VWA2: variants seen among roughly 807,000 people sequenced by gnomAD.
The protein encoded by VWA2 is von Willebrand factor A domain-containing protein 2.
VWA2 carries 73 observed loss-of-function variants against 70.4 expected under a neutral mutation model. The observed-to-expected ratio is 1.04, with a 90% CI of 0.86 to 1.26. VWA2 has a LOEUF of 1.26. VWA2 is among the 50% of genes most tolerant of loss of function. The pLI, the probability that VWA2 is intolerant of heterozygous loss-of-function variation, is 0.00. For missense variants in VWA2, 1,011 were observed against 998.5 expected (o/e 1.01, Z -0.17); for synonymous variants, 407 against 423.3 (o/e 0.96, Z 0.47).
intron 8 of VWA2, among the ~76,000 whole-genome samples, chr10:114,279,483 T>C (rs965665795): frequency 6.6e-6 from 1 of 152,098 alleles, no homozygotes; most frequent in Non-Finnish European, 1.5e-5. Flanking sequence ...CCATTGGTCC[T>C]CCCCCAGCGA....
chr10:114,269,370 CA>C (rs1465225934), intron 5 of VWA2, among the ~76,000 whole-genome samples: 4 of 152,176 alleles, frequency 2.6e-5, no homozygotes, highest in Non-Finnish European at 5.9e-5. Flanking sequence ...CACCTGAGGT[CA>C]GGAGTTTGAG....
intron 8 of VWA2, among the ~76,000 whole-genome samples, chr10:114,280,353 C>G (rs1166041339): frequency 6.6e-6 from 1 of 152,152 alleles, no homozygotes; most frequent in Non-Finnish European, 1.5e-5. Flanking sequence ...GGCAGTCATT[C>G]CAAAATGAAT....
chr10:114,275,124 T>G (rs1354802909), intron 6 of VWA2, among the ~76,000 whole-genome samples: 2 of 151,820 alleles, frequency 1.3e-5, no homozygotes, highest in Non-Finnish European at 2.9e-5. Flanking sequence ...ACCTAGGTAG[T>G]GGGGACAGGG....
In VWA2 at chr10:114,278,039, C is replaced by T; in HGVS notation, c.692C>T (p.Ala231Val). The part of the protein sequence containing the change: ...TLSSSAICSS[A>V]TPDCRVEAHP... ...AGCAGCTCGGCCATCTGCTCCAGCG[C>T]CACGCCAGGTAAGATCTTCCAGCCT... The change falls in exon 7 of 14, where the codon GCC becomes GTC. Residue 231 changes from alanine to valine, a missense_variant. Coordinates refer to ENST00000392982, the MANE Select transcript of VWA2 (RefSeq NM_001272046.2). 6.2e-7 allele frequency: 1 copy of T among 1,611,198 alleles called. No individual in the cohort carries two copies. Among genetic ancestry groups the T allele is most frequent in the Non-Finnish European group, 8.5e-7 (1 of 1,177,970 alleles).
rs1380020100 is a variant in VWA2 at position 114,293,250 on chromosome 10, A to G, written c.*2013A>G. On this transcript the variant is annotated 3_prime_UTR_variant, in exon 14 of 14. Transcript: ENST00000392982. ...CACAGAAGACAACGTCCGGGGCAGG[A>G]TCACATGCTCCCTAGCAGATGCTGA... Among the ~76,000 whole-genome samples the G allele has an allele frequency of 6.6e-6, 1 of 152,226 alleles. No homozygotes were observed. Among genetic ancestry groups the G allele is most frequent in the African/African-American group, 2.4e-5 (1 of 41,464 alleles).
At chr10:114,288,833 C>A in intron 11 of VWA2, 105 bp from the exon 12 acceptor site, 1 of 1,181,812 alleles carries the variant, frequency 8.5e-7, no homozygotes, top group Non-Finnish European at 1.2e-6. Context: ...GTGAACAGAG[C>A]ACCCTGGCTG....
intron 6 of VWA2, among the ~76,000 whole-genome samples, chr10:114,276,673 ATTTTTTTTTT>A (rs34808735): frequency 3.5e-5 from 4 of 113,690 alleles, no homozygotes; most frequent in African/African-American, 7.2e-5. Context: ...ACACCCAGCA[ATTTTTTTTTT>A]TTTTTTTTTT....
chr10:114,249,482 C>T (rs1412149986), intron 2 of VWA2, among the ~76,000 whole-genome samples: 3 of 152,186 alleles, frequency 2.0e-5, no homozygotes, highest in Non-Finnish European at 4.4e-5. Context: ...TCTTGAACTC[C>T]TGACCTCAGG....
At chr10:114,282,685 G>A in intron 9 of VWA2, 114 bp downstream of exon 9, 3 of 873,432 alleles carry the variant, frequency 3.4e-6, no homozygotes, top group Admixed American at 3.8e-5. Context: ...TGGCTCCAGG[G>A]CAGAGGGATG....
At chr10:114,246,684 C>G in intron 1 of VWA2, 1 of 1,560,606 alleles carries the variant, frequency 6.4e-7, no homozygotes, top group East Asian at 2.2e-5. Flanking sequence ...CATTAAATTC[C>G]CAAAACAAAG....
intron 6 of VWA2, among the ~76,000 whole-genome samples, chr10:114,275,279 C>T (rs970473524): frequency 2.0e-5 from 3 of 152,174 alleles, no homozygotes; most frequent in Non-Finnish European, 2.9e-5. Flanking sequence ...TGTCATCAAT[C>T]ATTGTGATCA....
intron 12 of VWA2, chr10:114,289,878 T>C (rs2039384632): frequency 3.0e-6 from 1 of 330,900 alleles, no homozygotes; most frequent in East Asian, 6.7e-5. Context: ...TGACCTCCTC[T>C]TCACCTTCTT....
At chr10:114,258,422 G>A (rs763460408) in intron 4 of VWA2, among the ~76,000 whole-genome samples, 2 of 152,138 alleles carry the variant, frequency 1.3e-5, no homozygotes, top group African/African-American at 2.4e-5. Context: ...TGTAGTGACT[G>A]GGGCAGAGTG....
intron 4 of VWA2, among the ~76,000 whole-genome samples, chr10:114,259,470 T>A (rs950932461): frequency 6.6e-6 from 1 of 151,868 alleles, no homozygotes; most frequent in African/African-American, 2.4e-5. Flanking sequence ...CCCACAGAAG[T>A]TGTTTTTTTT....
rs1197664131 is a variant in VWA2 at position 114,293,553 on chromosome 10, G to T, written c.*2316G>T. On this transcript the variant is annotated 3_prime_UTR_variant, in exon 14 of 14. Coordinates refer to ENST00000392982, the MANE Select transcript of VWA2 (RefSeq NM_001272046.2). ...GCTTTTGTCAGTCCCCCAGGAAAGT[G>T]CTATCCTATGGCCTAACTAGCCAAG... Among the ~76,000 whole-genome samples, 1 of 152,186 alleles carries T rather than the reference G, an allele frequency of 6.6e-6. No individual in the cohort carries two copies. Among genetic ancestry groups the T allele is most frequent in the Non-Finnish European group, 1.5e-5 (1 of 68,032 alleles).
At chr10:114,273,558 G>T (rs1463197986) in intron 6 of VWA2, among the ~76,000 whole-genome samples, 1 of 152,182 alleles carries the variant, frequency 6.6e-6, no homozygotes, top group East Asian at 1.9e-4. Flanking sequence ...TTTCCTAGAA[G>T]AGAGGAGGGT....
In VWA2 at chr10:114,289,065, C is replaced by T. The variant is rs199884277; in HGVS notation, c.1698C>T (p.Asp566=). The T allele has an allele frequency of 2.9e-5, 47 of 1,614,196 alleles. No homozygotes were observed. The highest frequency in any genetic ancestry group is 4.5e-5 in the East Asian group (2 of 44,864). ...CCCTCCAGTTTGAGGTGAACCCTGA[C>T]GTGACACAGGTCGGCCTGGTGGTGT... ...SCALQFEVNP[D]VTQVGLVVYG... is the part of the protein sequence containing the mutation. The change falls in exon 12 of 14, where the codon GAC becomes GAT. Residue 566 remains aspartate, a synonymous_variant. Coordinates refer to ENST00000392982, the MANE Select transcript of VWA2 (RefSeq NM_001272046.2).
rs187730689 is a variant in VWA2 at position 114,278,945 on chromosome 10, A to G, written c.833+94A>G. ...ATAGTACTTTGGGGCCCTGCCATGG[A>G]GATTGTGACAGGGATCGAAGGAGAC... On this transcript the variant is annotated intron_variant, in intron 8 of 13. Coordinates refer to ENST00000392982, the MANE Select transcript of VWA2 (RefSeq NM_001272046.2). 4,782 of 1,550,022 alleles carry G rather than the reference A, an allele frequency of 3.1e-3. 19 individuals carry two copies. Among genetic ancestry groups the G allele is most frequent in the Non-Finnish European group, 3.2e-3 (3,618 of 1,144,698 alleles).
At position 114,292,813 on chromosome 10, in the gene VWA2, C is replaced by T. The variant is rs755340169; in HGVS notation, c.*1576C>T. On this transcript the variant is annotated 3_prime_UTR_variant, in exon 14 of 14. Transcript: ENST00000392982. ...CTTTGCCTCCCAGGTTGAAGTGATT[C>T]TCATGCCTCAGCCTCTTGAGTAGCT... is the stretch of plus-strand genomic sequence containing the variant. Among the ~76,000 whole-genome samples, 4 of 152,014 alleles carry T rather than the reference C, an allele frequency of 2.6e-5. No homozygotes were observed. The highest frequency in any genetic ancestry group is 5.9e-5 in the Non-Finnish European group (4 of 68,024).
Sources: allele counts gnomAD v4.1 joint callset (sites outside exome capture counted in the v4.1 genomes callset), GRCh38; gene constraint gnomAD v4.1.1; transcripts MANE v1.5; gene names NCBI Gene and HGNC (gene_info 2026-07-23, HGNC 2026-07-21).